The following BBX variants were observed in gnomAD, a reference collection of about 807,000 sequenced individuals.
BBX encodes the protein BBX high mobility group box domain containing.
BBX carries 30 observed loss-of-function variants against 100.2 expected under a neutral mutation model. That is an observed-to-expected ratio of 0.30 (90% CI 0.22 to 0.41). BBX has a LOEUF of 0.41. BBX is among the 10% of genes least tolerant of loss of function. The pLI, the probability that BBX is intolerant of heterozygous loss-of-function variation, is 1.00. For synonymous variants in BBX, 376 were observed against 388.1 expected (o/e 0.97, Z 0.37); for missense variants, 1,023 against 1,129.8 (o/e 0.91, Z 1.35).
At chr3:107,671,347 C>T (rs1487850199) in intron 3 of BBX, among the ~76,000 whole-genome samples, 4 of 151,840 alleles carry the variant, frequency 2.6e-5, no homozygotes, top group Middle Eastern at 6.8e-3. Context: ...GTATTTTTGT[C>T]TTAAAATTTG....
At chr3:107,768,770 G>T (rs944680106) in intron 10 of BBX, among the ~76,000 whole-genome samples, 1 of 150,154 alleles carries the variant, frequency 6.7e-6, no homozygotes, top group Admixed American at 6.7e-5. Flanking sequence ...TAATCTCTGG[G>T]TCCCATTAAA....
intron 5 of BBX, 97 bp downstream of exon 5, chr3:107,716,946 G>A (rs1296720105): frequency 5.0e-6 from 7 of 1,405,598 alleles, no homozygotes; most frequent in Non-Finnish European, 5.8e-6. Flanking sequence ...GTCTAGCAAT[G>A]AGAAGGTGAA....
chr3:107,561,027 C>G (rs1353453422), intron 2 of BBX, among the ~76,000 whole-genome samples: 1 of 152,164 alleles, frequency 6.6e-6, no homozygotes, highest in Non-Finnish European at 1.5e-5. Context: ...GGCCTTTTAA[C>G]TACTAGGTGC....
Position 107,772,681 on chromosome 3 carries a change from A to G in BBX, c.960A>G (p.Ala320=). The change falls in exon 11 of 18, where the codon GCA becomes GCG. Residue 320 remains alanine, a synonymous_variant. Transcript: ENST00000325805. The part of the protein sequence containing the change: ...MKMEESKLIK[A]KESDGGRIKE... ...TGGAAGAATCAAAGCTAATAAAAGC[A>G]AAAGAATCCGATGGTGGAAGAATTA... 1 of 1,601,930 alleles carries G rather than the reference A, an allele frequency of 6.2e-7. No individual in the cohort carries two copies. The highest frequency in any genetic ancestry group is 8.5e-7 in the Non-Finnish European group (1 of 1,177,246).
intron 3 of BBX, among the ~76,000 whole-genome samples, chr3:107,656,055 T>A (rs2058122135): frequency 6.6e-6 from 1 of 152,214 alleles, no homozygotes; most frequent in African/African-American, 2.4e-5. Context: ...ATTTAAAAAA[T>A]TTAAATAGCT....
rs1560132157 is a variant in BBX, at chr3:107,772,687, A to G, written c.966A>G (p.Glu322=). 1 of 1,605,310 alleles carries G rather than the reference A, an allele frequency of 6.2e-7. No individual in the cohort carries two copies. Among genetic ancestry groups the G allele is most frequent in the African/African-American group, 1.3e-5 (1 of 74,220 alleles). ...MEESKLIKAK[E]SDGGRIKELE... is the part of the protein sequence containing the mutation. Reference sequence around the variant, plus strand: ...AATCAAAGCTAATAAAAGCAAAAGAATCCGATGGTGGAAGAATTAAAGAAT... The same window carrying G: ...AATCAAAGCTAATAAAAGCAAAAGAGTCCGATGGTGGAAGAATTAAAGAAT... Residue 322 remains glutamate, a synonymous_variant, in exon 11 of 18, where the codon GAA becomes GAG. Coordinates refer to ENST00000325805, the MANE Select transcript of BBX (RefSeq NM_001142568.3).
chr3:107,677,842 T>C (rs1289613742), intron 3 of BBX, among the ~76,000 whole-genome samples: 2 of 152,212 alleles, frequency 1.3e-5, no homozygotes, highest in Non-Finnish European at 2.9e-5. Flanking sequence ...CTCTTTAGCC[T>C]ATTAGTATTT....
At chr3:107,567,790 G>A (rs1161582684) in intron 2 of BBX, among the ~76,000 whole-genome samples, 2 of 151,948 alleles carry the variant, frequency 1.3e-5, no homozygotes, top group Non-Finnish European at 2.9e-5. Flanking sequence ...GACTTTTCTT[G>A]GAATGATTAA....
At chr3:107,731,732 A>G (rs897632687) in intron 6 of BBX, among the ~76,000 whole-genome samples, 3 of 151,516 alleles carry the variant, frequency 2.0e-5, no homozygotes, top group African/African-American at 7.3e-5. Context: ...AAAACTGTCG[A>G]TAACATATAG....
chr3:107,546,596 ACTTT>A (rs1336302609), intron 2 of BBX, among the ~76,000 whole-genome samples: 1 of 152,116 alleles, frequency 6.6e-6, no homozygotes, highest in Non-Finnish European at 1.5e-5. Context: ...AATTTTTATT[ACTTT>A]CTTTGTTGTT....
chr3:107,627,515 G>A (rs2056266174), intron 2 of BBX, among the ~76,000 whole-genome samples: 1 of 152,180 alleles, frequency 6.6e-6, no homozygotes, highest in Admixed American at 6.5e-5. Flanking sequence ...AGTGCTGGAA[G>A]CTACAATTTT....
At chr3:107,706,157 G>A (rs889818364) in intron 3 of BBX, among the ~76,000 whole-genome samples, 1 of 151,484 alleles carries the variant, frequency 6.6e-6, no homozygotes, top group African/African-American at 2.4e-5. Context: ...CGAGTAGCTG[G>A]GACTACAAGT....
chr3:107,660,505 T>TAAAAAAAAAAAA (rs34604623), intron 3 of BBX, among the ~76,000 whole-genome samples: 3 of 101,288 alleles, frequency 3.0e-5, no homozygotes, highest in African/African-American at 7.1e-5. Flanking sequence ...CAAAAAGCAT[T>TAAAAAAAAAAAA]AAAAAAAAAA....
chr3:107,528,022 A>G (rs1294712033), intron 2 of BBX, among the ~76,000 whole-genome samples: 1 of 152,232 alleles, frequency 6.6e-6, no homozygotes, highest in Non-Finnish European at 1.5e-5. Flanking sequence ...TAAAAGTCTG[A>G]TAAGTGCTTG....
In BBX at chr3:107,765,813, C is replaced by G. The variant is rs1431236877; in HGVS notation, c.907-6815C>G. On this transcript the variant is annotated intron_variant, in intron 10 of 17. Coordinates refer to ENST00000325805, the MANE Select transcript of BBX (RefSeq NM_001142568.3). Reference sequence around the variant, plus strand: ...GAGAGGCCAAGGATTTGCTTACATCCAAGAGTGATGCGTCTTATAAATGTT... The same window carrying G: ...GAGAGGCCAAGGATTTGCTTACATCGAAGAGTGATGCGTCTTATAAATGTT... 4.6e-5 allele frequency among the ~76,000 whole-genome samples: 7 copies of G among 152,260 alleles called. No homozygotes were observed. In the East Asian group the frequency reaches 1.4e-3, roughly 29 times the overall value.
At chr3:107,707,933 C>G (rs2061482829) in intron 3 of BBX, among the ~76,000 whole-genome samples, 1 of 152,194 alleles carries the variant, frequency 6.6e-6, no homozygotes, top group African/African-American at 2.4e-5. Flanking sequence ...GTGGCAATCA[C>G]TTTACCCTCT....
intron 7 of BBX, among the ~76,000 whole-genome samples, chr3:107,736,449 A>G (rs1450448241): frequency 6.6e-6 from 1 of 152,016 alleles, no homozygotes; most frequent in Non-Finnish European, 1.5e-5. Context: ...AAAGAACCAG[A>G]AATAAAAATG....
At chr3:107,780,671 C>G (rs1158497638) in intron 13 of BBX, among the ~76,000 whole-genome samples, 1 of 151,912 alleles carries the variant, frequency 6.6e-6, no homozygotes, top group Non-Finnish European at 1.5e-5. Flanking sequence ...TTAAAATAAG[C>G]AGAAATTAAA....
chr3:107,773,079 A>C lies in BBX; in HGVS notation c.1358A>C (p.Lys453Thr). The change falls in exon 11 of 18, where the codon AAA becomes ACA. Residue 453 changes from lysine to threonine, a missense_variant. By Grantham distance (78) the Lys-to-Thr change is moderately conservative. Around this residue, in one of 9 missense-constraint regions of BBX, gnomAD observed 348 missense variants for 353.2 expected, o/e 0.99. Coordinates refer to ENST00000325805, the MANE Select transcript of BBX (RefSeq NM_001142568.3). The surrounding 1 kb of genome is among the most constrained non-coding windows in gnomAD (Gnocchi z 4.1). ...ALNKPEKLKK[K>T]KKKSKMDRHG... ...AACAAGCCAGAAAAGCTAAAAAAGA[A>C]AAAGAAGAAAAGCAAAATGGATCGA... 6.2e-7 allele frequency: 1 copy of C among 1,613,144 alleles called. No individual in the cohort carries two copies. Among genetic ancestry groups the C allele is most frequent in the Non-Finnish European group, 8.5e-7 (1 of 1,179,802 alleles).
Sources: allele counts gnomAD v4.1 joint callset (sites outside exome capture counted in the v4.1 genomes callset), GRCh38; gene constraint gnomAD v4.1.1; regional missense constraint gnomAD v4.1.1; non-coding constraint Gnocchi (gnomAD v3.1); transcripts MANE v1.5; gene names NCBI Gene and HGNC (gene_info 2026-07-23, HGNC 2026-07-21).